The following PLXDC2 variants were observed in gnomAD, a reference collection of about 807,000 sequenced individuals.
The protein encoded by PLXDC2 is plexin domain containing 2.
A neutral mutation model predicts 68.9 loss-of-function variants in PLXDC2; 40 were observed. The ratio of observed to expected loss-of-function variants is 0.58; its 90% CI spans 0.45 to 0.76. The LOEUF (loss-of-function observed/expected upper bound fraction) is 0.76, where lower values mean the gene tolerates loss of function less well. Among genes scored for constraint, PLXDC2 ranks in the 30% least tolerant of loss-of-function variants. The pLI, the probability that PLXDC2 is intolerant of heterozygous loss-of-function variation, is 0.00. For missense variants in PLXDC2, 644 were observed against 661.9 expected (o/e 0.97, Z 0.30); for synonymous variants, 243 against 234.2 (o/e 1.04, Z -0.34).
intron 9 of PLXDC2, among the ~76,000 whole-genome samples, chr10:20,190,452 C>T (rs1456671053): frequency 2.0e-5 from 3 of 151,906 alleles, no homozygotes; most frequent in African/African-American, 4.8e-5. Flanking sequence ...AGGCAAAGCT[C>T]ACAGTTGGTG....
intron 4 of PLXDC2, among the ~76,000 whole-genome samples, chr10:20,139,537 A>T (rs1833973660): frequency 1.3e-5 from 2 of 152,244 alleles, no homozygotes; most frequent in South Asian, 2.1e-4. Context: ...TCATTCTACT[A>T]TAAAGACACG....
Position 20,273,869 on chromosome 10 carries a change from CAAAT to C in PLXDC2, c.1474-5830_1474-5827del, listed in dbSNP as rs748679057. ...TGTCTCTACTAAATAAATAAATAAA[CAAAT>C]AAAAGTTTAAAAAATATTAGCTAGG... On this transcript the variant is annotated intron_variant, in intron 13 of 13. Transcript: ENST00000377252. Among the ~76,000 whole-genome samples, 528 of 152,040 alleles carry C rather than the reference CAAAT, an allele frequency of 3.5e-3. 4 individuals carry two copies. Among genetic ancestry groups the C allele is most frequent in the African/African-American group, 0.012 (509 of 41,490 alleles).
At chr10:20,275,957 G>T (rs1041552590) in intron 13 of PLXDC2, among the ~76,000 whole-genome samples, 1 of 40,750 alleles carries the variant, frequency 2.5e-5, no homozygotes, top group Non-Finnish European at 7.5e-5. Context: ...GGAAGGAAGG[G>T]TAGGTTTTTT....
intron 1 of PLXDC2, among the ~76,000 whole-genome samples, chr10:19,962,216 TTA>T (rs558428329): frequency 8.7e-4 from 133 of 152,162 alleles, no homozygotes; most frequent in African/African-American, 2.8e-3. Flanking sequence ...TTAGATGATT[TTA>T]TGTCTTGTCA....
rs527358207 is a variant in PLXDC2 at position 20,170,282 on chromosome 10, C to T, written c.883+5715C>T. 2.3e-3 allele frequency among the ~76,000 whole-genome samples: 350 copies of T among 152,266 alleles called. 1 individual carries two copies. The highest frequency in any genetic ancestry group is 3.6e-3 in the Non-Finnish European group (245 of 68,020). On this transcript the variant is annotated intron_variant, in intron 7 of 13. Coordinates refer to ENST00000377252, the MANE Select transcript of PLXDC2 (RefSeq NM_032812.9). Reference sequence around the variant, plus strand: ...CTTGGCTCACTGCAACCTCCCCCTCCGGGGTTCAAGTGCTTCTCCTGCCTC... The same window carrying T: ...CTTGGCTCACTGCAACCTCCCCCTCTGGGGTTCAAGTGCTTCTCCTGCCTC...
chr10:20,269,709 G>A (rs1429256912), intron 13 of PLXDC2, among the ~76,000 whole-genome samples: 3 of 152,178 alleles, frequency 2.0e-5, no homozygotes, highest in East Asian at 3.9e-4. Flanking sequence ...GCGAGAATCA[G>A]TGATGTAATA....
intron 3 of PLXDC2, among the ~76,000 whole-genome samples, chr10:20,065,096 A>G (rs1324652871): frequency 3.3e-5 from 5 of 152,136 alleles, no homozygotes; most frequent in Non-Finnish European, 7.4e-5. Flanking sequence ...AAGTCCTTAT[A>G]TCAAGATTGG....
chr10:20,241,151 A>G (rs1835510590), intron 12 of PLXDC2, among the ~76,000 whole-genome samples: 1 of 152,128 alleles, frequency 6.6e-6, no homozygotes, highest in African/African-American at 2.4e-5. Context: ...TTAAAAGGAG[A>G]TAATGTCACT....
chr10:20,176,272 T>C (rs139525464), intron 7 of PLXDC2, among the ~76,000 whole-genome samples: 1 of 152,100 alleles, frequency 6.6e-6, no homozygotes, highest in Admixed American at 6.6e-5. Context: ...GGAGATATGA[T>C]TGACAAATAA....
intron 9 of PLXDC2, among the ~76,000 whole-genome samples, chr10:20,199,693 C>G (rs1834890681): frequency 6.6e-6 from 1 of 151,856 alleles, no homozygotes; most frequent in South Asian, 2.1e-4. Flanking sequence ...AGTAAGATGT[C>G]AACTATTTCC....
intron 1 of PLXDC2, among the ~76,000 whole-genome samples, chr10:19,834,073 C>T (rs762540981): frequency 1.3e-4 from 20 of 151,912 alleles, no homozygotes; most frequent in Non-Finnish European, 2.4e-4. Flanking sequence ...GGAACCAGTC[C>T]TTGTTCCTGC....
At chr10:20,081,598 G>T (rs1328225561) in intron 4 of PLXDC2, among the ~76,000 whole-genome samples, 1 of 152,088 alleles carries the variant, frequency 6.6e-6, no homozygotes, top group Non-Finnish European at 1.5e-5. Flanking sequence ...GAAGCTCGGA[G>T]AAAAACAACT....
At chr10:19,988,495 C>A (rs1341363287) in intron 1 of PLXDC2, among the ~76,000 whole-genome samples, 4 of 151,906 alleles carry the variant, frequency 2.6e-5, no homozygotes, top group Non-Finnish European at 5.9e-5. Flanking sequence ...TCTCAAGTTT[C>A]AAAAATATAT....
intron 2 of PLXDC2, among the ~76,000 whole-genome samples, chr10:20,017,726 A>T (rs1001479217): frequency 8.5e-5 from 13 of 152,218 alleles, no homozygotes; most frequent in African/African-American, 2.9e-4. Flanking sequence ...AGGATTTCAA[A>T]CTTTTCAGTT....
At chr10:19,983,605 G>A (rs1330676579) in intron 1 of PLXDC2, among the ~76,000 whole-genome samples, 2 of 152,184 alleles carry the variant, frequency 1.3e-5, no homozygotes, top group Non-Finnish European at 2.9e-5. Context: ...GCCCCAGTGA[G>A]ATAAGAATAT....
intron 13 of PLXDC2, among the ~76,000 whole-genome samples, chr10:20,251,166 CT>C (rs1311190432): frequency 1.3e-5 from 2 of 151,974 alleles, no homozygotes; most frequent in Non-Finnish European, 2.9e-5. Flanking sequence ...ATTAACTTAT[CT>C]TCTATATTGC....
At chr10:19,983,723 G>T (rs1261082478) in intron 1 of PLXDC2, among the ~76,000 whole-genome samples, 1 of 152,100 alleles carries the variant, frequency 6.6e-6, no homozygotes, top group Non-Finnish European at 1.5e-5. Context: ...TAACCTTGCT[G>T]CTCAAAGTAC....
At chr10:20,195,430 T>G (rs1834824678) in intron 9 of PLXDC2, among the ~76,000 whole-genome samples, 1 of 152,110 alleles carries the variant, frequency 6.6e-6, no homozygotes, top group Non-Finnish European at 1.5e-5. Flanking sequence ...AACGAGCGGG[T>G]GCAGTGGGTG....
chr10:19,966,439 T>TATAAAATATATATATGCACAA (rs1834262971), intron 1 of PLXDC2, among the ~76,000 whole-genome samples: 1 of 151,036 alleles, frequency 6.6e-6, no homozygotes, highest in Non-Finnish European at 1.5e-5. Flanking sequence ...TGTGCACATA[T>TATAAAATATATATATGCACAA]ATATAAAACA....
Sources: gnomAD v4.1 joint callset for allele counts (sites outside exome capture counted in the v4.1 genomes callset) on GRCh38, gnomAD v4.1.1 for gene constraint, MANE v1.5 for transcripts, NCBI Gene and HGNC (gene_info 2026-07-23, HGNC 2026-07-21) for gene names.